NAALADL2: variants seen among roughly 807,000 people sequenced by gnomAD.
NAALADL2 encodes the protein inactive N-acetylated-alpha-linked acidic dipeptidase-like protein 2.
A neutral mutation model predicts 87.2 loss-of-function variants in NAALADL2; 76 were observed. The ratio of observed to expected loss-of-function variants is 0.87; its 90% confidence interval spans 0.72 to 1.05. The LOEUF (loss-of-function observed/expected upper bound fraction) is 1.05, where lower values mean the gene tolerates loss of function less well. Among genes scored for constraint, NAALADL2 ranks in the 50% least tolerant of loss-of-function variants. NAALADL2 has a pLI of 0.00. For synonymous variants in NAALADL2, 354 were observed against 331.0 expected (o/e 1.07, Z -0.75); for missense variants, 1,089 against 945.8 (o/e 1.15, Z -1.99).
At chr3:174,927,674 C>A (rs1736280464) in intron 1 of NAALADL2, among the ~76,000 whole-genome samples, 1 of 152,094 alleles carries the variant, frequency 6.6e-6, no homozygotes, top group Non-Finnish European at 1.5e-5. Flanking sequence ...AACAAAGACA[C>A]AACATACGAG....
At chr3:174,507,004 C>T (rs1192974521) in intron 1 of NAALADL2, among the ~76,000 whole-genome samples, 2 of 151,672 alleles carry the variant, frequency 1.3e-5, no homozygotes, top group African/African-American at 4.8e-5. Flanking sequence ...ATTTTTATTT[C>T]CTCTCAATAT....
intron 5 of NAALADL2, among the ~76,000 whole-genome samples, chr3:175,332,081 A>G (rs1324124295): frequency 1.3e-5 from 2 of 152,208 alleles, no homozygotes; most frequent in Non-Finnish European, 2.9e-5. Flanking sequence ...ACTGAAGAGG[A>G]CACAAACAAA....
chr3:175,741,252 G>A (rs145983070), intron 12 of NAALADL2, among the ~76,000 whole-genome samples: 59 of 152,226 alleles, frequency 3.9e-4, no homozygotes, highest in African/African-American at 1.4e-3. Flanking sequence ...TTCACTTCCC[G>A]GTTCAAAGAT....
At chr3:175,430,958 T>A (rs1717651640) in intron 5 of NAALADL2, among the ~76,000 whole-genome samples, 1 of 152,102 alleles carries the variant, frequency 6.6e-6, no homozygotes, top group South Asian at 2.1e-4. Flanking sequence ...TAGCATCTCA[T>A]TGATATTTTT....
In NAALADL2 at chr3:175,804,534, T is replaced by C. The variant is rs1451303726; in HGVS notation, c.*1331T>C. 6.6e-6 allele frequency: 1 copy of C among 151,824 alleles called. No homozygotes were observed. The highest frequency in any genetic ancestry group is 1.9e-4 in the East Asian group (1 of 5,174). 9.4% of individuals were successfully genotyped at this position (151,824 alleles called of 1,614,324 possible). On this transcript the variant is annotated 3_prime_UTR_variant, in exon 14 of 14. Transcript: ENST00000454872. ...CTTTAGAAATTTATGTGAAAAATGGTTTTCCTATACTGGATAAAGCAATTC... is the reference window on the plus strand; with the variant it reads ...CTTTAGAAATTTATGTGAAAAATGGCTTTCCTATACTGGATAAAGCAATTC...
intron 1 of NAALADL2, among the ~76,000 whole-genome samples, chr3:175,067,050 T>G (rs1179573724): frequency 1.3e-5 from 2 of 152,160 alleles, no homozygotes; most frequent in African/African-American, 4.8e-5. Flanking sequence ...TGGATTCCTA[T>G]TTTTGATCAA....
chr3:175,208,715 A>G (rs1027553335), intron 2 of NAALADL2, among the ~76,000 whole-genome samples: 7 of 152,192 alleles, frequency 4.6e-5, no homozygotes, highest in African/African-American at 1.7e-4. Context: ...TGGTTGAACT[A>G]TAAAACTCAA....
intron 2 of NAALADL2, among the ~76,000 whole-genome samples, chr3:174,590,961 A>G (rs1442499134): frequency 6.6e-6 from 1 of 152,170 alleles, no homozygotes; most frequent in African/African-American, 2.4e-5. Context: ...CTGATACTGA[A>G]TCCAGAGAGG....
intron 1 of NAALADL2, among the ~76,000 whole-genome samples, chr3:175,068,841 G>T (rs1396910625): frequency 6.6e-6 from 1 of 151,990 alleles, no homozygotes; most frequent in Non-Finnish European, 1.5e-5. Flanking sequence ...TATGCACTTG[G>T]TATCTTCCAT....
chr3:175,210,722 T>C (rs1741649777), intron 2 of NAALADL2, among the ~76,000 whole-genome samples: 1 of 151,638 alleles, frequency 6.6e-6, no homozygotes, highest in Admixed American at 6.6e-5. Context: ...TACATGACTG[T>C]ACAACTCTAC....
chr3:174,534,847 C>G (rs73172555), intron 1 of NAALADL2, among the ~76,000 whole-genome samples: 2 of 152,022 alleles, frequency 1.3e-5, no homozygotes, highest in Non-Finnish European at 2.9e-5. Context: ...TTTGGGAAGC[C>G]GACAGTGTTT....
chr3:174,604,105 A>G (rs1457322449), intron 2 of NAALADL2, among the ~76,000 whole-genome samples: 1 of 152,112 alleles, frequency 6.6e-6, no homozygotes, highest in Non-Finnish European at 1.5e-5. Flanking sequence ...TTTATATCCA[A>G]TATTTTTGTT....
intron 11 of NAALADL2, among the ~76,000 whole-genome samples, chr3:175,627,732 T>C (rs1727189568): frequency 6.6e-6 from 1 of 151,700 alleles, no homozygotes; most frequent in Non-Finnish European, 1.5e-5. Context: ...GTCTGTTGAT[T>C]AAACTAGGTG....
intron 3 of NAALADL2, among the ~76,000 whole-genome samples, chr3:174,822,328 G>A (rs886329651): frequency 6.6e-6 from 1 of 152,116 alleles, no homozygotes; most frequent in Non-Finnish European, 1.5e-5. Context: ...TTTTTATGAT[G>A]TAAAAATGCC....
chr3:175,108,889 C>T (rs1723707665), intron 2 of NAALADL2, among the ~76,000 whole-genome samples: 1 of 151,570 alleles, frequency 6.6e-6, no homozygotes, highest in African/African-American at 2.4e-5. Flanking sequence ...GCTGTTATTT[C>T]TTGTGGTTTT....
At chr3:174,838,021 G>GAAAAAAAAAAAAAAA (rs77681462) in intron 3 of NAALADL2, among the ~76,000 whole-genome samples, 35 of 71,892 alleles carry the variant, frequency 4.9e-4, no homozygotes, top group Non-Finnish European at 7.1e-4. Flanking sequence ...AACCAAAAAA[G>GAAAAAAAAAAAAAAA]AAAAAAAAAA....
At chr3:174,514,931 C>A (rs187508381) in intron 1 of NAALADL2, among the ~76,000 whole-genome samples, 2 of 152,198 alleles carry the variant, frequency 1.3e-5, no homozygotes, top group Admixed American at 1.3e-4. Flanking sequence ...TTGCTACCTA[C>A]TTCCAAGTGT....
At chr3:174,846,337 A>C (rs550545251) in intron 3 of NAALADL2, among the ~76,000 whole-genome samples, 90 of 152,298 alleles carry the variant, frequency 5.9e-4, no homozygotes, top group African/African-American at 2.0e-3. Flanking sequence ...GCAGTCAAAC[A>C]GTAGTTGTAG....
intron 5 of NAALADL2, among the ~76,000 whole-genome samples, chr3:175,441,482 A>G (rs1719752537): frequency 6.6e-6 from 1 of 152,148 alleles, no homozygotes; most frequent in African/African-American, 2.4e-5. Context: ...GCCAGTGCTG[A>G]TCTAATGTGC....
Sources: allele counts gnomAD v4.1 joint callset (sites outside exome capture counted in the v4.1 genomes callset), GRCh38; gene constraint gnomAD v4.1.1; transcripts MANE v1.5; gene names NCBI Gene and HGNC (gene_info 2026-07-23, HGNC 2026-07-21).